The following DLGAP1 variants were observed in gnomAD, a reference collection of about 807,000 sequenced individuals.
DLGAP1 encodes the protein DLG associated protein 1, also known as disks large-associated protein 1.
DLGAP1 carries 11 observed loss-of-function variants against 90.8 expected under a neutral mutation model. The ratio of observed to expected loss-of-function variants is 0.12; its 90% confidence interval spans 0.08 to 0.20. The LOEUF is 0.20. Ranked by LOEUF, DLGAP1 falls within the 10% of genes least tolerant of loss-of-function variation. The pLI is 1.00. For synonymous variants in DLGAP1, 558 were observed against 540.7 expected (o/e 1.03, Z -0.44); for missense variants, 1,050 against 1,333.8 (o/e 0.79, Z 3.31).
intron 4 of DLGAP1, chr18:3,874,054 A>T: frequency 6.6e-7 from 1 of 1,520,612 alleles, no homozygotes; most frequent in Non-Finnish European, 8.8e-7. Flanking sequence ...GGAGAAATAA[A>T]ATCACAAATA....
chr18:4,094,666 C>T (rs1242286623), intron 2 of DLGAP1, among the ~76,000 whole-genome samples: 1 of 133,822 alleles, frequency 7.5e-6, no homozygotes, highest in Non-Finnish European at 1.5e-5. Context: ...GGTGTGATCT[C>T]AGCTCACTGC....
chr18:3,848,955 G>A lies in DLGAP1; in HGVS notation c.957+30157C>T, dbSNP rs138378825. On this transcript the variant is annotated intron_variant, in intron 4 of 12. Coordinates refer to ENST00000315677, the MANE Select transcript of DLGAP1 (RefSeq NM_004746.4). Reference sequence around the variant, plus strand: ...GGATATAAAGATTCAAATGTTAAACGTGACCTCTGGGGCCCTGTGACATGG... The same window carrying A: ...GGATATAAAGATTCAAATGTTAAACATGACCTCTGGGGCCCTGTGACATGG... Among the ~76,000 whole-genome samples the A allele has an allele frequency of 3.9e-3, 599 of 152,252 alleles. 4 individuals carry two copies. Among genetic ancestry groups the A allele is most frequent in the African/African-American group, 0.014 (572 of 41,544 alleles).
intron 2 of DLGAP1, among the ~76,000 whole-genome samples, chr18:4,048,268 A>G (rs1171565520): frequency 6.6e-6 from 1 of 152,256 alleles, no homozygotes; most frequent in African/African-American, 2.4e-5. Flanking sequence ...GTTTTTGAAG[A>G]AATGTAATTG....
intron 2 of DLGAP1, among the ~76,000 whole-genome samples, chr18:4,088,010 T>TC (rs1453291745): frequency 3.7e-5 from 1 of 26,798 alleles, no homozygotes; most frequent in African/African-American, 1.4e-4. Context: ...TCTTTTTCTG[T>TC]TTTTTTAATT....
intron 7 of DLGAP1, among the ~76,000 whole-genome samples, chr18:3,658,936 A>G (rs948201567): frequency 6.6e-6 from 1 of 152,224 alleles, no homozygotes; most frequent in Non-Finnish European, 1.5e-5. Context: ...GGAGAGCCCA[A>G]TCATCATTTA....
chr18:3,763,648 G>A (rs1205183491), intron 5 of DLGAP1, among the ~76,000 whole-genome samples: 1 of 151,770 alleles, frequency 6.6e-6, no homozygotes, highest in Admixed American at 6.6e-5. Flanking sequence ...AACGGGAAAT[G>A]AAAGGCCTAT....
chr18:4,190,217 T>C lies in DLGAP1; in HGVS notation c.-266-38930A>G, dbSNP rs527542602. On this transcript the variant is annotated intron_variant, in intron 1 of 12. Transcript: ENST00000315677. ...AGAGCTATCAAGCTACTAAAAGACA[T>C]GGAGGAAGTTGAAATACATATTATG... 4.6e-5 allele frequency among the ~76,000 whole-genome samples: 7 copies of C among 152,140 alleles called. No individual in the cohort carries two copies. In the East Asian group the frequency reaches 1.2e-3, roughly 25 times the overall value.
chr18:4,047,037 T>A (rs983296552), intron 2 of DLGAP1, among the ~76,000 whole-genome samples: 9 of 152,236 alleles, frequency 5.9e-5, no homozygotes, highest in Non-Finnish European at 7.3e-5. Context: ...TAGGAAAGTA[T>A]ATTTTCCAGC....
intron 5 of DLGAP1, among the ~76,000 whole-genome samples, chr18:3,768,042 G>A (rs1234077309): frequency 6.6e-6 from 1 of 152,062 alleles, no homozygotes; most frequent in Admixed American, 6.6e-5. Context: ...TGACATGATT[G>A]CCTACAAAGG....
chr18:3,518,835 T>G (rs2050998540), intron 10 of DLGAP1, among the ~76,000 whole-genome samples: 2 of 152,200 alleles, frequency 1.3e-5, no homozygotes, highest in African/African-American at 4.8e-5. Flanking sequence ...AAGGTGGCAG[T>G]ATCCAAAAAA....
Position 3,879,035 on chromosome 18 carries a change from G to T in DLGAP1, c.957+77C>A. ...AATAGACAATTCAGAGTAGTGCCAA[G>T]ACTAGAACCAGGAGAAATGCCCACA... On this transcript the variant is annotated intron_variant, in intron 4 of 12. Transcript: ENST00000315677. The surrounding 1 kb of genome is among the most constrained non-coding windows in gnomAD (Gnocchi z 6.6). 1 of 1,261,214 alleles carries T rather than the reference G, an allele frequency of 7.9e-7. No individual in the cohort carries two copies. The highest frequency in any genetic ancestry group is 1.1e-6 in the Non-Finnish European group (1 of 938,304). The allele number at this position is 1,261,214 out of a possible 1,614,324, so 78.1% of individuals were successfully genotyped here. A position where few individuals can be genotyped will look rare whatever the true frequency, so the allele number is the denominator to read the frequency against.
At chr18:3,898,625 G>A (rs2071711459) in intron 3 of DLGAP1, among the ~76,000 whole-genome samples, 1 of 152,124 alleles carries the variant, frequency 6.6e-6, no homozygotes, top group Non-Finnish European at 1.5e-5. Flanking sequence ...CTGGGGATGG[G>A]GGTGGCAAGC....
At chr18:3,507,838 G>A (rs1321370283) in intron 11 of DLGAP1, among the ~76,000 whole-genome samples, 3 of 138,040 alleles carry the variant, frequency 2.2e-5, no homozygotes, top group Non-Finnish European at 3.0e-5. Context: ...CTGGGTTCAA[G>A]TGATTCTCCT....
intron 1 of DLGAP1, among the ~76,000 whole-genome samples, chr18:4,239,725 C>CA (rs938817765): frequency 1.3e-4 from 20 of 152,258 alleles, no homozygotes; most frequent in African/African-American, 4.8e-4. Flanking sequence ...TCAAACTATA[C>CA]AGGCCTCCTT....
At chr18:3,899,810 A>G (rs1424716466) in intron 3 of DLGAP1, among the ~76,000 whole-genome samples, 1 of 152,094 alleles carries the variant, frequency 6.6e-6, no homozygotes, top group East Asian at 1.9e-4. Context: ...TCAGCGCTAT[A>G]AATTGCAAGT....
chr18:3,760,489 T>C (rs1190379001), intron 5 of DLGAP1, among the ~76,000 whole-genome samples: 3 of 152,200 alleles, frequency 2.0e-5, no homozygotes, highest in South Asian at 2.1e-4. Context: ...CAGAGTTTTA[T>C]TGCCAGCTGG....
chr18:3,999,943 C>G (rs140011045), intron 3 of DLGAP1, among the ~76,000 whole-genome samples: 8 of 152,274 alleles, frequency 5.3e-5, no homozygotes, highest in Admixed American at 2.6e-4. Flanking sequence ...TCCTAAACAG[C>G]TGAGACTACA....
Position 3,553,675 on chromosome 18 carries a change from A to G in DLGAP1, c.2057+13815T>C, listed in dbSNP as rs528171644. 3.3e-5 allele frequency among the ~76,000 whole-genome samples: 5 copies of G among 152,224 alleles called. No individual in the cohort carries two copies. The South Asian group carries it at 1.0e-3, about 32-fold the overall frequency. On this transcript the variant is annotated intron_variant, in intron 9 of 12. Coordinates refer to ENST00000315677, the MANE Select transcript of DLGAP1 (RefSeq NM_004746.4). ...CAGCCTCCCGAGTAGCTGGGATTAC[A>G]GATGTGCGCCATCATGCCTGGCTAA... is the stretch of plus-strand genomic sequence containing the variant.
At chr18:3,772,342 CTCTCTCTTTCTTTCTT>C (rs1214544896) in intron 5 of DLGAP1, among the ~76,000 whole-genome samples, 3,479 of 81,088 alleles carry the variant, frequency 0.043, 228 homozygotes, top group African/African-American at 0.066. Context: ...TTCTCTCTCT[CTCTCTCTTTCTTTCTT>C]TCTTTCTTTC....
Sources: gnomAD v4.1 joint callset for allele counts (sites outside exome capture counted in the v4.1 genomes callset) on GRCh38, gnomAD v4.1.1 for gene constraint, Gnocchi (gnomAD v3.1) non-coding constraint, MANE v1.5 for transcripts, NCBI Gene and HGNC (gene_info 2026-07-23, HGNC 2026-07-21) for gene names.